ZEB2: variants seen among roughly 807,000 people sequenced by gnomAD.
ZEB2 encodes zinc finger E-box binding homeobox 2.
A neutral mutation model predicts 99.9 loss-of-function variants in ZEB2; 6 were observed. That is an observed-to-expected ratio of 0.06 (90% confidence interval 0.03 to 0.12). The LOEUF (loss-of-function observed/expected upper bound fraction) is 0.12. Ranked by LOEUF, ZEB2 falls within the 10% of genes least tolerant of loss-of-function variation. ZEB2 has a pLI of 1.00. For missense variants in ZEB2, 969 were observed against 1,502.8 expected, an observed-to-expected ratio of 0.64 and a Z score of 5.87; for synonymous variants, 517 against 542.5, an observed-to-expected ratio of 0.95 and a Z score of 0.65.
At chr2:144,414,468 C>T (rs1270813569) in intron 4 of ZEB2, among the ~76,000 whole-genome samples, 3 of 152,098 alleles carry the variant, frequency 2.0e-5, no homozygotes, top group Non-Finnish European at 2.9e-5. Context: ...TGTATGTTAT[C>T]GTGAGGCAGG....
intron 3 of ZEB2, chr2:144,429,524 G>C (rs112040621): frequency 3.6e-6 from 2 of 558,844 alleles, no homozygotes; most frequent in African/African-American, 1.9e-5. Context: ...TGTGTTGAAA[G>C]TGTGGTTCAT....
intron 4 of ZEB2, among the ~76,000 whole-genome samples, chr2:144,405,608 G>T (rs1333873538): frequency 6.8e-6 from 1 of 147,890 alleles, no homozygotes; most frequent in African/African-American, 2.5e-5. Flanking sequence ...ATGCAACTTT[G>T]TTAAAAAAAA....
chr2:144,384,555 T>C lies in ZEB2; in HGVS notation c.*4896A>G, dbSNP rs548848227. ...TGCTCTAAAGGAAGCAATCATTCCT[T>C]TATACTTCTTTAAATTTAGTATTGA... On this transcript the variant is annotated 3_prime_UTR_variant, in exon 10 of 10. Transcript: ENST00000627532. The C allele has an allele frequency of 6.6e-6, 1 of 152,218 alleles. No homozygotes were observed. The highest frequency in any genetic ancestry group is 6.5e-5 in the Admixed American group (1 of 15,284). The allele number at this position is 152,218 out of a possible 1,614,324, so 9.4% of individuals were successfully genotyped here.
At chr2:144,519,247 C>CG (rs932539891) in intron 1 of ZEB2, 3 of 152,196 alleles carry the variant, frequency 2.0e-5, no homozygotes, top group African/African-American at 7.2e-5. Context: ...TAGTGCCCCC[C>CG]CCTCCACTTT....
chr2:144,481,927 T>C, intron 2 of ZEB2, among the ~76,000 whole-genome samples: 1 of 152,218 alleles, frequency 6.6e-6, no homozygotes, highest in South Asian at 2.1e-4. Context: ...ATCCTTGTAC[T>C]TTTCCATGTG....
intron 4 of ZEB2, among the ~76,000 whole-genome samples, chr2:144,405,790 A>G (rs1391985417): frequency 2.6e-5 from 4 of 152,234 alleles, no homozygotes; most frequent in Non-Finnish European, 5.9e-5. Flanking sequence ...AACTTTTGTA[A>G]TTATGACTCT....
chr2:144,419,788 TA>T (rs1396465995), intron 4 of ZEB2, among the ~76,000 whole-genome samples: 18 of 151,602 alleles, frequency 1.2e-4, no homozygotes, highest in South Asian at 2.1e-4. Context: ...GTTCCTTTTT[TA>T]AAAAAAAATA....
intron 4 of ZEB2, among the ~76,000 whole-genome samples, chr2:144,413,588 A>G (rs564273636): frequency 6.6e-6 from 1 of 152,362 alleles, no homozygotes; most frequent in African/African-American, 2.4e-5. Flanking sequence ...TAAGAAATTA[A>G]AAAATAATGA....
intron 2 of ZEB2, among the ~76,000 whole-genome samples, chr2:144,479,858 A>G (rs1368685128): frequency 6.6e-6 from 1 of 152,110 alleles, no homozygotes; most frequent in Non-Finnish European, 1.5e-5. Context: ...TGTGACAATT[A>G]GTTTCAGGTG....
At chr2:144,509,552 ATCAT>A (rs1704999993) in intron 2 of ZEB2, among the ~76,000 whole-genome samples, 1 of 152,130 alleles carries the variant, frequency 6.6e-6, no homozygotes, top group African/African-American at 2.4e-5. Flanking sequence ...CCCGTTTCAA[ATCAT>A]TCACTCTGCT....
intron 4 of ZEB2, among the ~76,000 whole-genome samples, chr2:144,409,696 T>C (rs891735037): frequency 1.3e-5 from 2 of 152,114 alleles, no homozygotes; most frequent in Non-Finnish European, 2.9e-5. Context: ...AAAAAGAATA[T>C]CTAGCTTGGG....
intron 2 of ZEB2, chr2:144,512,805 A>C (rs1468978272): frequency 7.8e-7 from 1 of 1,287,048 alleles, no homozygotes; most frequent in African/African-American, 1.5e-5. Context: ...GTGTGTGTGC[A>C]GCGTGACAAA....
At chr2:144,468,464 AT>A in intron 2 of ZEB2, among the ~76,000 whole-genome samples, 1 of 152,260 alleles carries the variant, frequency 6.6e-6, no homozygotes, top group East Asian at 1.9e-4. Flanking sequence ...CTTAAGGACA[AT>A]GTTTGGTCAA....
rs746211840 is a variant in ZEB2 at position 144,399,497 on chromosome 2, C to T, written c.1690G>A (p.Asp564Asn). 2 of 1,614,070 alleles carry T rather than the reference C, an allele frequency of 1.2e-6. No homozygotes were observed. The highest frequency in any genetic ancestry group is 2.7e-5 in the African/African-American group (2 of 74,930). The change falls in exon 8 of 10, where the codon GAT becomes AAT. Residue 564 changes from aspartate (D) to asparagine (N), a missense_variant. Asp to Asn is a conservative substitution (Grantham distance 23, BLOSUM62 1). Transcript: ENST00000627532. The surrounding 1 kb of genome is among the most constrained non-coding windows in gnomAD (Gnocchi z 5.6). ...IKKEKLRTLIDLVTDDKMIEN... is the reference protein window; with the variant it reads ...IKKEKLRTLINLVTDDKMIEN... ...ATCATTTTGTCATCAGTGACCAAAT[C>T]TATTAAAGTACGTAGCTTCTCTTTC... is the stretch of plus-strand genomic sequence containing the variant.
intron 2 of ZEB2, chr2:144,463,252 A>G (rs946592210): frequency 2.0e-5 from 3 of 152,212 alleles, no homozygotes; most frequent in Admixed American, 6.5e-5. Flanking sequence ...ACTATATAAT[A>G]TAAACTCAGT....
intron 2 of ZEB2, chr2:144,511,733 A>G: frequency 7.8e-7 from 1 of 1,286,262 alleles, no homozygotes; most frequent in South Asian, 1.2e-5. Context: ...AGGTGCCTGG[A>G]TGTTTCAAGG....
chr2:144,465,940 C>T (rs748731113), intron 2 of ZEB2, among the ~76,000 whole-genome samples: 4 of 152,092 alleles, frequency 2.6e-5, no homozygotes, highest in South Asian at 4.1e-4. Context: ...CCGTCGATTG[C>T]GGCGGCTTTC....
intron 6 of ZEB2, among the ~76,000 whole-genome samples, chr2:144,402,502 T>C (rs1328753594): frequency 2.6e-5 from 4 of 152,180 alleles, no homozygotes; most frequent in Admixed American, 2.6e-4. Flanking sequence ...AACAGCTGCT[T>C]TGTCTCCCCC....
chr2:144,504,091 AAAACAACAAAAAAAAC>A (rs1341299635), intron 2 of ZEB2: 2 of 21,776 alleles, frequency 9.2e-5, no homozygotes, highest in Non-Finnish European at 4.3e-4. Flanking sequence ...AAAAAAAAAA[AAAACAACAAAAAAAAC>A]AAACCACCTT....
Sources: allele counts gnomAD v4.1 joint callset (sites outside exome capture counted in the v4.1 genomes callset), GRCh38; gene constraint gnomAD v4.1.1; non-coding constraint Gnocchi (gnomAD v3.1); transcripts MANE v1.5; gene names NCBI Gene and HGNC (gene_info 2026-07-23, HGNC 2026-07-21).